The following ZNF423 variants were observed in gnomAD, a reference collection of about 807,000 sequenced individuals.
ZNF423 encodes Ebf-associated zinc finger protein.
A neutral mutation model predicts 95.8 loss-of-function variants in ZNF423; 12 were observed. That is an observed-to-expected ratio of 0.13 (90% CI 0.08 to 0.20). The LOEUF (loss-of-function observed/expected upper bound fraction) is 0.20, where lower values mean the gene tolerates loss of function less well. Among genes scored for constraint, ZNF423 ranks in the 10% least tolerant of loss-of-function variants. The probability of loss-of-function intolerance (pLI) is 1.00; values close to 1 mark genes in which losing one functional copy is unlikely to be tolerated. For synonymous variants in ZNF423, 749 were observed against 711.9 expected, an observed-to-expected ratio of 1.05 and a Z score of -0.83; for missense variants, 1,316 against 1,737.1, an observed-to-expected ratio of 0.76 and a Z score of 4.31.
Position 49,637,469 on chromosome 16 carries a change from C to A in ZNF423, c.1707G>T (p.Glu569Asp). The A allele has an allele frequency of 1.9e-6, 3 of 1,614,038 alleles. No individual in the cohort carries two copies. Among genetic ancestry groups the A allele is most frequent in the South Asian group, 1.1e-5 (1 of 91,050 alleles). Residue 569 changes from glutamate (E) to aspartate (D), a missense_variant, in exon 4 of 8, where the codon GAG (glutamate) becomes GAT (aspartate). Around this residue, in one of 6 missense-constraint regions of ZNF423, gnomAD observed 399 missense variants for 478.5 expected, o/e 0.83. Transcript: ENST00000563137. This position sits in a 1 kb window ranked among gnomAD's most constrained non-coding sequence, Gnocchi z 5.6. ...PVVQPTQSFMEVYSCPYCTNS... is the reference protein window; with the variant it reads ...PVVQPTQSFMDVYSCPYCTNS... ...TGGTGCAGTAGGGGCAGGAATAGAC[C>A]TCCATGAAGGACTGCGTGGGCTGCA...
chr16:49,827,489 T>A (rs1369043094), intron 1 of ZNF423, among the ~76,000 whole-genome samples: 1 of 151,792 alleles, frequency 6.6e-6, no homozygotes, highest in Non-Finnish European at 1.5e-5. Flanking sequence ...AATACTTGAT[T>A]GGATGGAAGA....
At chr16:49,702,298 T>G (rs2032206713) in intron 3 of ZNF423, among the ~76,000 whole-genome samples, 1 of 152,138 alleles carries the variant, frequency 6.6e-6, no homozygotes, top group Admixed American at 6.5e-5. Flanking sequence ...CCATATTTCA[T>G]AACAGGGGAG....
At chr16:49,735,018 C>A (rs1264432113) in intron 2 of ZNF423, among the ~76,000 whole-genome samples, 2 of 152,114 alleles carry the variant, frequency 1.3e-5, no homozygotes, top group African/African-American at 4.8e-5. Flanking sequence ...AACCACTCTA[C>A]TACATGGTTT....
intron 1 of ZNF423, among the ~76,000 whole-genome samples, chr16:49,809,127 G>A (rs1344096662): frequency 2.0e-5 from 3 of 152,250 alleles, no homozygotes; most frequent in African/African-American, 7.2e-5. Context: ...CGTGTCCTGC[G>A]ATAATACTTG....
intron 3 of ZNF423, among the ~76,000 whole-genome samples, chr16:49,709,586 C>G (rs1305924120): frequency 6.6e-6 from 1 of 152,126 alleles, no homozygotes; most frequent in African/African-American, 2.4e-5. Flanking sequence ...AGTGCCACTG[C>G]TATCGTCTGA....
chr16:49,585,820 G>A (rs1299497304), intron 5 of ZNF423, among the ~76,000 whole-genome samples: 1 of 152,188 alleles, frequency 6.6e-6, no homozygotes, highest in Non-Finnish European at 1.5e-5. Context: ...AAGCCATGGA[G>A]TCAGACGCAC....
chr16:49,678,682 C>T (rs1011018273), intron 3 of ZNF423, among the ~76,000 whole-genome samples: 3 of 152,202 alleles, frequency 2.0e-5, no homozygotes, highest in Non-Finnish European at 2.9e-5. Context: ...CTGGGAACAA[C>T]CTCCAGCTCA....
chr16:49,539,888 G>A (rs1969189555), intron 5 of ZNF423, among the ~76,000 whole-genome samples: 1 of 152,208 alleles, frequency 6.6e-6, no homozygotes, highest in South Asian at 2.1e-4. Flanking sequence ...GCTGGCAGGA[G>A]TTGGAGGCCC....
chr16:49,754,049 A>T (rs912944743), intron 2 of ZNF423, among the ~76,000 whole-genome samples: 2 of 149,472 alleles, frequency 1.3e-5, no homozygotes, highest in African/African-American at 4.9e-5. Flanking sequence ...AAAAAAAGCC[A>T]GGCATTAAAA....
chr16:49,809,933 G>A (rs2034725473), intron 1 of ZNF423, among the ~76,000 whole-genome samples: 1 of 151,140 alleles, frequency 6.6e-6, no homozygotes, highest in African/African-American at 2.4e-5. Context: ...CCCAGCCTGC[G>A]CCCACCCATT....
At chr16:49,848,029 A>G (rs1237595499) in intron 1 of ZNF423, among the ~76,000 whole-genome samples, 1 of 152,090 alleles carries the variant, frequency 6.6e-6, no homozygotes, top group Non-Finnish European at 1.5e-5. Context: ...GCTTGAGCCC[A>G]GGAGTTCAAG....
intron 1 of ZNF423, among the ~76,000 whole-genome samples, chr16:49,848,719 A>G (rs2035271017): frequency 1.3e-5 from 2 of 152,324 alleles, no homozygotes; most frequent in Middle Eastern, 3.4e-3. Context: ...AGTCCTGACA[A>G]ATTGCTGGCG....
chr16:49,660,167 G>A (rs1266333666), intron 3 of ZNF423, among the ~76,000 whole-genome samples: 1 of 152,104 alleles, frequency 6.6e-6, no homozygotes, highest in East Asian at 1.9e-4. Flanking sequence ...GGATCCCTGG[G>A]AGCCCCCACA....
chr16:49,812,598 T>G (rs2034771350), intron 1 of ZNF423, among the ~76,000 whole-genome samples: 1 of 152,202 alleles, frequency 6.6e-6, no homozygotes, highest in Non-Finnish European at 1.5e-5. Flanking sequence ...GAGGATCTCC[T>G]GAGCCTGTGA....
chr16:49,775,121 A>T (rs1223891805), intron 2 of ZNF423, among the ~76,000 whole-genome samples: 1 of 152,166 alleles, frequency 6.6e-6, no homozygotes, highest in African/African-American at 2.4e-5. Flanking sequence ...TGGTGCACTG[A>T]GGCACGGAGC....
At chr16:49,673,118 A>G (rs962652668) in intron 3 of ZNF423, among the ~76,000 whole-genome samples, 1 of 152,208 alleles carries the variant, frequency 6.6e-6, no homozygotes, top group Non-Finnish European at 1.5e-5. Flanking sequence ...CAGTCTGCAC[A>G]GATCATTTTA....
intron 7 of ZNF423, among the ~76,000 whole-genome samples, chr16:49,513,748 T>G (rs951329432): frequency 1.7e-4 from 26 of 152,212 alleles, no homozygotes; most frequent in Middle Eastern, 3.4e-3. Context: ...GTAGACGTAG[T>G]GACTTACAAT....
At position 49,638,818 on chromosome 16, in the gene ZNF423, C is replaced by T; in HGVS notation, c.358G>A (p.Val120Ile). The T allele has an allele frequency of 1.2e-6, 2 of 1,613,802 alleles. No homozygotes were observed. Among genetic ancestry groups the T allele is most frequent in the Non-Finnish European group, 1.7e-6 (2 of 1,179,802 alleles). Residue 120 changes from valine (V) to isoleucine (I), a missense_variant, in exon 4 of 8, where the codon GTT becomes ATT. By Grantham distance (29) the Val-to-Ile change is conservative. Around this residue, in one of 6 missense-constraint regions of ZNF423, gnomAD observed 155 missense variants for 170.8 expected, o/e 0.91. Transcript: ENST00000563137. The surrounding 1 kb of genome is among the most constrained non-coding windows in gnomAD (Gnocchi z 5.6). ...CCGATCATCTGCGTGGGTGACGCAA[C>T]ATCCTTGCTGGAGGGAGACGAGGCC... Reference protein sequence around the residue: ...WVASSPSSKDVASPTQMIGDG... With the variant: ...WVASSPSSKDIASPTQMIGDG...
At chr16:49,597,477 A>T (rs1011606953) in intron 5 of ZNF423, among the ~76,000 whole-genome samples, 3 of 152,222 alleles carry the variant, frequency 2.0e-5, no homozygotes, top group African/African-American at 7.2e-5. Context: ...TATTTTGGAT[A>T]TATTGGGTTA....
Sources: allele counts gnomAD v4.1 joint callset (sites outside exome capture counted in the v4.1 genomes callset), GRCh38; gene constraint gnomAD v4.1.1; regional missense constraint gnomAD v4.1.1; non-coding constraint Gnocchi (gnomAD v3.1); transcripts MANE v1.5; gene names NCBI Gene and HGNC (gene_info 2026-07-23, HGNC 2026-07-21).